The following COL6A5 variants were observed in gnomAD, a reference collection of about 807,000 sequenced individuals.
COL6A5 encodes collagen alpha-5(VI) chain.
COL6A5 carries 48 observed loss-of-function variants against 65.6 expected under a neutral mutation model. The ratio of observed to expected loss-of-function variants is 0.73; its 90% CI spans 0.58 to 0.93. The LOEUF is 0.93. Among genes scored for constraint, COL6A5 ranks in the 40% least tolerant of loss-of-function variants. The pLI is 0.00. For missense variants in COL6A5, 914 were observed against 928.3 expected (o/e 0.98, Z 0.20); for synonymous variants, 291 against 322.8 (o/e 0.90, Z 1.05).
rs77956853 is a variant in COL6A5 at position 130,358,664 on chromosome 3, G to T, written c.-29+12683G>T. 9.9e-3 allele frequency among the ~76,000 whole-genome samples: 1,506 copies of T among 152,218 alleles called. 16 individuals are homozygous for T. The highest frequency in any genetic ancestry group is 0.081 in the South Asian group (392 of 4,824). On this transcript the variant is annotated intron_variant and NMD_transcript_variant, in intron 1 of 41. Coordinates refer to the COL6A5 transcript ENST00000312481. ...TGTGGAATTTTTTCCCCCCAATCAGGATTCCAAAACTTCAAAAGTATGTTG... is the reference window on the plus strand; with the variant it reads ...TGTGGAATTTTTTCCCCCCAATCAGTATTCCAAAACTTCAAAAGTATGTTG...
At chr3:130,396,043 C>T (rs779505043) in intron 8 of COL6A5, among the ~76,000 whole-genome samples, 3 of 152,098 alleles carry the variant, frequency 2.0e-5, no homozygotes, top group Non-Finnish European at 2.9e-5. Context: ...AGGCCAGGTG[C>T]GTAGTGGAGA....
chr3:130,455,778 A>G (rs1709558423), intron 5 of COL6A5, 112 bp downstream of exon 37: 1 of 781,542 alleles, frequency 1.3e-6, no homozygotes, highest in Non-Finnish European at 2.0e-6. Flanking sequence ...AACTTTTTTT[A>G]AAGTTCATTA....
chr3:130,459,760 C>G (rs1436237669), intron 5 of COL6A5, among the ~76,000 whole-genome samples: 1 of 151,806 alleles, frequency 6.6e-6, no homozygotes, highest in Admixed American at 6.6e-5. Flanking sequence ...TACTATTATA[C>G]CACATAAAAA....
At chr3:130,448,141 C>T (rs183411033) in intron 4 of COL6A5, among the ~76,000 whole-genome samples, 42 of 152,250 alleles carry the variant, frequency 2.8e-4, no homozygotes, top group African/African-American at 9.6e-4. Flanking sequence ...TCTAGATAAA[C>T]ACACAAAGTT....
chr3:130,433,540 G>A (rs1332393055), intron 1 of COL6A5, among the ~76,000 whole-genome samples: 1 of 152,106 alleles, frequency 6.6e-6, no homozygotes, highest in African/African-American at 2.4e-5. Context: ...GCTCCCTTTA[G>A]TCATTCTTTA....
chr3:130,452,724 C>G (rs1415339209), intron 4 of COL6A5, among the ~76,000 whole-genome samples: 1 of 152,116 alleles, frequency 6.6e-6, no homozygotes, highest in African/African-American at 2.4e-5. Context: ...TTGAGAGCAA[C>G]TGGTCTGACC....
chr3:130,426,230 C>T (rs1577497747), exon 30 of COL6A5: 1 of 1,551,246 alleles, frequency 6.4e-7, no homozygotes, highest in East Asian at 2.4e-5. Flanking sequence ...AAAGGCATGG[C>T]AGGGCAGCCT....
chr3:130,468,627 C>T (rs1282483653), intron 5 of COL6A5, among the ~76,000 whole-genome samples, 168 bp from the exon 38 acceptor site: 1 of 151,932 alleles, frequency 6.6e-6, no homozygotes, highest in African/African-American at 2.4e-5. Context: ...TATGTGGGTA[C>T]AGATTTGGAG....
At chr3:130,363,582 C>G (rs1935219009) in intron 1 of COL6A5, among the ~76,000 whole-genome samples, 1 of 152,164 alleles carries the variant, frequency 6.6e-6, no homozygotes, top group Non-Finnish European at 1.5e-5. Flanking sequence ...GAAATAGTTT[C>G]TCTTGAGAAC....
intron 7 of COL6A5, among the ~76,000 whole-genome samples, chr3:130,472,520 C>G (rs756148873): frequency 1.3e-5 from 2 of 151,920 alleles, no homozygotes; most frequent in Non-Finnish European, 2.9e-5. Context: ...ATTCACAGTC[C>G]TTGCTGTGTC....
exon 6 of COL6A5, chr3:130,469,119 A>G: frequency 6.2e-7 from 1 of 1,613,114 alleles, no homozygotes; most frequent in Non-Finnish European, 8.5e-7. Flanking sequence ...CAAATGAAAC[A>G]TCATCTCCAA....
chr3:130,410,368 T>G, intron 19 of COL6A5, 103 bp from the exon 20 acceptor site: 5 of 826,652 alleles, frequency 6.0e-6, no homozygotes, highest in Non-Finnish European at 9.9e-6. Flanking sequence ...CATGACATGT[T>G]TATTCTGCCA....
At chr3:130,372,611 G>C (rs542307012) in intron 1 of COL6A5, among the ~76,000 whole-genome samples, 16 of 152,234 alleles carry the variant, frequency 1.1e-4, no homozygotes, top group African/African-American at 3.4e-4. Flanking sequence ...AAAATGTCCA[G>C]AATAGGCAAA....
intron 7 of COL6A5, among the ~76,000 whole-genome samples, chr3:130,472,832 C>CACATATATATAT (rs1553760928): frequency 3.0e-5 from 3 of 99,404 alleles, no homozygotes; most frequent in African/African-American, 1.2e-4. Flanking sequence ...TGTGTGTATA[C>CACATATATATAT]ATATATATAT....
chr3:130,394,593 T>G (rs1369734562), intron 7 of COL6A5, among the ~76,000 whole-genome samples: 3 of 152,218 alleles, frequency 2.0e-5, no homozygotes, highest in African/African-American at 7.2e-5. Context: ...TATAATCACC[T>G]TTTAATGAGT....
At chr3:130,430,754 G>A (rs1301331371), upstream of COL6A5, among the ~76,000 whole-genome samples, 1 of 152,166 alleles carries the variant, frequency 6.6e-6, no homozygotes, top group Non-Finnish European at 1.5e-5. Flanking sequence ...AAGCCCCTGA[G>A]ATAGCCCCTT....
exon 8 of COL6A5, chr3:130,484,161 T>G: frequency 9.2e-7 from 1 of 1,082,388 alleles, no homozygotes; most frequent in South Asian, 2.1e-5. Context: ...ACAGGGACTT[T>G]TCACAAAAAC....
At chr3:130,419,033 A>C (rs989546134) in intron 25 of COL6A5, 102 bp downstream of exon 25, 2 of 852,454 alleles carry the variant, frequency 2.3e-6, no homozygotes, top group Non-Finnish European at 3.9e-6. Context: ...GGGGCATGAA[A>C]GGTATTTCAG....
chr3:130,376,892 C>A, intron 3 of COL6A5, 56 bp downstream of exon 3: 1 of 1,489,944 alleles, frequency 6.7e-7, no homozygotes, highest in South Asian at 1.4e-5. Context: ...CTACATCTGT[C>A]CACTCTCACC....
Sources: gnomAD v4.1 joint callset for allele counts (sites outside exome capture counted in the v4.1 genomes callset) on GRCh38, gnomAD v4.1.1 for gene constraint, MANE v1.5 for transcripts, NCBI Gene and HGNC (gene_info 2026-07-23, HGNC 2026-07-21) for gene names.